Variants in IMMP2L observed in about 807,000 individuals in gnomAD.
IMMP2L encodes the protein inner mitochondrial membrane peptidase subunit 2, also known as mitochondrial inner membrane protease subunit 2.
IMMP2L carries 18 observed loss-of-function variants against 19.3 expected under a neutral mutation model. The ratio of observed to expected loss-of-function variants is 0.93; its 90% CI spans 0.64 to 1.38. IMMP2L has a LOEUF of 1.38. IMMP2L is among the 40% of genes most tolerant of loss of function. IMMP2L has a pLI of 0.00. For synonymous variants in IMMP2L, 76 were observed against 73.0 expected (o/e 1.04, Z -0.21); for missense variants, 233 against 218.2 (o/e 1.07, Z -0.43).
At position 110,758,735 on chromosome 7, in the gene IMMP2L, GA is replaced by G. The variant is rs1798178049; in HGVS notation, c.409-95015del. 6.6e-6 allele frequency among the ~76,000 whole-genome samples: 1 copy of G among 152,102 alleles called. No individual in the cohort carries two copies. The highest frequency in any genetic ancestry group is 1.5e-5 in the Non-Finnish European group (1 of 67,996). ...GTCACTGATGAGCTCCAAGACCCCA[GA>G]CAAAAACATCCAACCTTTGTGAGAC... On this transcript the variant is annotated intron_variant, in intron 5 of 5. Transcript: ENST00000405709. The surrounding 1 kb of genome is among the most constrained non-coding windows in gnomAD (Gnocchi z 4.6).
At chr7:111,136,200 G>T (rs1802320783) in intron 3 of IMMP2L, among the ~76,000 whole-genome samples, 1 of 151,932 alleles carries the variant, frequency 6.6e-6, no homozygotes. Context: ...GCTAATTTTT[G>T]TATTTTTAGT....
chr7:111,351,309 G>T (rs900374752), intron 3 of IMMP2L, among the ~76,000 whole-genome samples: 1 of 152,150 alleles, frequency 6.6e-6, no homozygotes, highest in Non-Finnish European at 1.5e-5. Context: ...TCCTGCCTCA[G>T]CCTCTCGAGT....
intron 2 of IMMP2L, among the ~76,000 whole-genome samples, chr7:111,495,415 T>C (rs1843498714): frequency 6.6e-6 from 1 of 152,192 alleles, no homozygotes; most frequent in Admixed American, 6.5e-5. Context: ...AAGCTAGAAA[T>C]AGCCAATATC....
chr7:111,014,058 C>T (rs534433925), intron 3 of IMMP2L, among the ~76,000 whole-genome samples: 1 of 152,116 alleles, frequency 6.6e-6, no homozygotes, highest in East Asian at 1.9e-4. Flanking sequence ...TAGGCATATC[C>T]ATAATCAAAT....
At chr7:110,707,004 A>AATTTT (rs369690184) in intron 5 of IMMP2L, among the ~76,000 whole-genome samples, 9 of 114,304 alleles carry the variant, frequency 7.9e-5, no homozygotes, top group Admixed American at 6.5e-4. Flanking sequence ...TTTTTTTTTA[A>AATTTT]TTTTTTTTTT....
chr7:111,176,880 T>C (rs1006962134), intron 3 of IMMP2L, among the ~76,000 whole-genome samples: 8 of 152,028 alleles, frequency 5.3e-5, no homozygotes, highest in Non-Finnish European at 4.4e-5. Flanking sequence ...TGAAATGCCA[T>C]TTACTTAATC....
In IMMP2L at chr7:111,381,418, A is replaced by G. The variant is rs867339203; in HGVS notation, c.239+105820T>C. Among the ~76,000 whole-genome samples, 4 of 152,156 alleles carry G rather than the reference A, an allele frequency of 2.6e-5. No homozygotes were observed. The South Asian group carries it at 6.2e-4, about 24-fold the overall frequency. ...GTGACCATGACCACAAGTTGAAAGA[A>G]TATTCTGGATAAACTAGATCAAATA... On this transcript the variant is annotated intron_variant, in intron 3 of 5. Coordinates refer to ENST00000405709, the MANE Select transcript of IMMP2L (RefSeq NM_032549.4).
chr7:111,254,672 C>T (rs1816506103), intron 3 of IMMP2L, among the ~76,000 whole-genome samples: 1 of 152,084 alleles, frequency 6.6e-6, no homozygotes, highest in African/African-American at 2.4e-5. Flanking sequence ...CCTCTGTATA[C>T]ATGAGAGATT....
intron 3 of IMMP2L, among the ~76,000 whole-genome samples, chr7:111,329,625 G>A: frequency 6.6e-6 from 1 of 151,862 alleles, no homozygotes; most frequent in East Asian, 1.9e-4. Flanking sequence ...GACATGACAA[G>A]CCACCTTGCA....
intron 5 of IMMP2L, among the ~76,000 whole-genome samples, chr7:110,795,097 G>A (rs999660319): frequency 6.6e-6 from 1 of 152,038 alleles, no homozygotes; most frequent in African/African-American, 2.4e-5. Flanking sequence ...TCCAAACAAA[G>A]AGAATAAGAA....
At chr7:110,880,385 A>G (rs1809520745) in intron 5 of IMMP2L, among the ~76,000 whole-genome samples, 1 of 152,148 alleles carries the variant, frequency 6.6e-6, no homozygotes, top group Non-Finnish European at 1.5e-5. Flanking sequence ...TTCCAAAAAA[A>G]GCTGTCTTCC....
intron 3 of IMMP2L, among the ~76,000 whole-genome samples, chr7:111,061,962 G>A (rs548125763): frequency 1.2e-4 from 18 of 152,132 alleles, no homozygotes; most frequent in East Asian, 7.7e-4. Context: ...GTGCTCTCCC[G>A]CCACCACAAC....
intron 3 of IMMP2L, among the ~76,000 whole-genome samples, chr7:111,238,144 T>C (rs1004261194): frequency 2.6e-5 from 4 of 152,038 alleles, no homozygotes; most frequent in Non-Finnish European, 4.4e-5. Flanking sequence ...CTGCCATTAG[T>C]ATTGCTTATG....
chr7:111,170,798 T>A (rs1806350119), intron 3 of IMMP2L, among the ~76,000 whole-genome samples: 1 of 151,782 alleles, frequency 6.6e-6, no homozygotes, highest in South Asian at 2.1e-4. Flanking sequence ...GCAGTTTTGT[T>A]ATAAGAATAC....
chr7:110,666,154 A>C (rs553012977), intron 5 of IMMP2L, among the ~76,000 whole-genome samples: 3 of 152,180 alleles, frequency 2.0e-5, no homozygotes, highest in Non-Finnish European at 4.4e-5. Flanking sequence ...CATCTCCATC[A>C]GTATTTTAGC....
chr7:110,774,030 C>T (rs1335492087), intron 5 of IMMP2L, among the ~76,000 whole-genome samples: 1 of 151,874 alleles, frequency 6.6e-6, no homozygotes, highest in Non-Finnish European at 1.5e-5. Context: ...ATAACTGTTG[C>T]TGTTTAAGGT....
chr7:110,979,951 T>C (rs1821092779), intron 3 of IMMP2L, among the ~76,000 whole-genome samples: 1 of 152,162 alleles, frequency 6.6e-6, no homozygotes, highest in Admixed American at 6.5e-5. Context: ...GTAAAGCCAC[T>C]ATTTTAAAAG....
At chr7:111,553,024 T>G (rs1790852624) in intron 1 of IMMP2L, among the ~76,000 whole-genome samples, 1 of 152,014 alleles carries the variant, frequency 6.6e-6, no homozygotes, top group Non-Finnish European at 1.5e-5. Context: ...CTATAAAACT[T>G]CCACTCCTGC....
intron 3 of IMMP2L, among the ~76,000 whole-genome samples, chr7:111,483,117 T>C (rs568485489): frequency 1.3e-5 from 2 of 152,318 alleles, no homozygotes; most frequent in Admixed American, 6.5e-5. Context: ...CTGGTTTCAA[T>C]ACTTGAACTA....
Sources: gnomAD v4.1 joint callset for allele counts (sites outside exome capture counted in the v4.1 genomes callset) on GRCh38, gnomAD v4.1.1 for gene constraint, Gnocchi (gnomAD v3.1) non-coding constraint, MANE v1.5 for transcripts, NCBI Gene and HGNC (gene_info 2026-07-23, HGNC 2026-07-21) for gene names.